The following CRYBG1 variants were observed in gnomAD, a reference collection of about 807,000 sequenced individuals.
CRYBG1 encodes the protein beta/gamma crystallin domain-containing protein 1.
CRYBG1 carries 139 observed loss-of-function variants against 189.2 expected under a neutral mutation model. The ratio of observed to expected loss-of-function variants is 0.73; its 90% CI spans 0.64 to 0.85. The LOEUF (loss-of-function observed/expected upper bound fraction) is 0.85, where lower values mean the gene tolerates loss of function less well. Ranked by LOEUF, CRYBG1 falls within the 40% of genes least tolerant of loss-of-function variation. The pLI is 0.00. For synonymous variants in CRYBG1, 1,023 were observed against 1,017.1 expected, an observed-to-expected ratio of 1.01 and a Z score of -0.11; for missense variants, 2,611 against 2,675.8, an observed-to-expected ratio of 0.98 and a Z score of 0.53.
chr6:106,501,412 G>A (rs1773008110), intron 2 of CRYBG1, among the ~76,000 whole-genome samples: 1 of 152,202 alleles, frequency 6.6e-6, no homozygotes, highest in South Asian at 2.1e-4. Flanking sequence ...GATATGCCAA[G>A]TTCTGCAGAC....
chr6:106,391,339 C>T (rs1770498223), intron 1 of CRYBG1, among the ~76,000 whole-genome samples: 1 of 152,178 alleles, frequency 6.6e-6, no homozygotes, highest in African/African-American at 2.4e-5. Context: ...ACCTAGGCCT[C>T]CCAAAGTGCT....
At chr6:106,441,938 A>G (rs987904802) in intron 1 of CRYBG1, among the ~76,000 whole-genome samples, 1 of 152,250 alleles carries the variant, frequency 6.6e-6, no homozygotes, top group South Asian at 2.1e-4. Flanking sequence ...TTATATTATT[A>G]TCAAAAGGCA....
chr6:106,450,199 A>G (rs1383462402), intron 1 of CRYBG1, among the ~76,000 whole-genome samples: 1 of 148,052 alleles, frequency 6.8e-6, no homozygotes, highest in African/African-American at 2.5e-5. Context: ...GCCTGGTGAC[A>G]GAGTGAGACT....
intron 1 of CRYBG1, among the ~76,000 whole-genome samples, chr6:106,416,383 TC>T (rs1771021088): frequency 1.3e-5 from 2 of 152,168 alleles, no homozygotes; most frequent in African/African-American, 4.8e-5. Context: ...CATTCACTGT[TC>T]CCCCTATCGG....
At chr6:106,568,032 T>C (rs2114606938) in intron 21 of CRYBG1, among the ~76,000 whole-genome samples, 1 of 152,330 alleles carries the variant, frequency 6.6e-6, no homozygotes, top group Admixed American at 6.5e-5. Flanking sequence ...TCCTCCCACC[T>C]TTCCACCACT....
At chr6:106,564,469 G>A (rs1774819444) in intron 21 of CRYBG1, among the ~76,000 whole-genome samples, 1 of 152,152 alleles carries the variant, frequency 6.6e-6, no homozygotes. Context: ...AAGCTAATAG[G>A]GAGTGAACTG....
At chr6:106,367,402 C>T (rs1772023520) in intron 1 of CRYBG1, among the ~76,000 whole-genome samples, 1 of 151,620 alleles carries the variant, frequency 6.6e-6, no homozygotes, top group African/African-American at 2.4e-5. Context: ...TCCTGGTCAA[C>T]ATGGTGAAAC....
chr6:106,403,713 TA>T (rs1770766473), intron 1 of CRYBG1, among the ~76,000 whole-genome samples: 1 of 152,174 alleles, frequency 6.6e-6, no homozygotes, highest in African/African-American at 2.4e-5. Context: ...TTGATATTTG[TA>T]AAAAGTAGTG....
At chr6:106,503,296 C>T (rs750266181) in intron 2 of CRYBG1, among the ~76,000 whole-genome samples, 3 of 152,128 alleles carry the variant, frequency 2.0e-5, no homozygotes, top group Non-Finnish European at 4.4e-5. Flanking sequence ...GGTGAGCCTA[C>T]GGAAAGATCC....
intron 2 of CRYBG1, among the ~76,000 whole-genome samples, chr6:106,510,696 C>A (rs1313071848): frequency 6.6e-6 from 1 of 152,212 alleles, no homozygotes; most frequent in Non-Finnish European, 1.5e-5. Context: ...ACCCCTGCAA[C>A]CTCGCCCGCT....
chr6:106,544,938 G>A lies in CRYBG1; in HGVS notation c.5312+5G>A. 1 of 1,592,126 alleles carries A rather than the reference G, an allele frequency of 6.3e-7. No homozygotes were observed. Among genetic ancestry groups the A allele is most frequent in the Non-Finnish European group, 8.5e-7 (1 of 1,174,038 alleles). ...TATTAATGTACTGAGTGGAGTGTAAGTGAAATAATCCAGTTGGAATTTTAA... is the reference window on the plus strand; with the variant it reads ...TATTAATGTACTGAGTGGAGTGTAAATGAAATAATCCAGTTGGAATTTTAA... On this transcript the variant is annotated splice_donor_5th_base_variant and intron_variant, in intron 13 of 21. Transcript: ENST00000633556.
chr6:106,509,541 A>G (rs1374854419), intron 2 of CRYBG1, among the ~76,000 whole-genome samples: 1 of 152,234 alleles, frequency 6.6e-6, no homozygotes, highest in Admixed American at 6.5e-5. Context: ...CAGCAGCAGC[A>G]GCTGTCTAGT....
chr6:106,499,123 T>G (rs1045546373), intron 2 of CRYBG1, among the ~76,000 whole-genome samples: 1 of 136,620 alleles, frequency 7.3e-6, no homozygotes, highest in Admixed American at 7.9e-5. Context: ...TGTTTGTGTG[T>G]TTTTTGTTTT....
chr6:106,412,774 A>G (rs1029268715), intron 1 of CRYBG1, among the ~76,000 whole-genome samples: 1 of 152,176 alleles, frequency 6.6e-6, no homozygotes, highest in Admixed American at 6.5e-5. Flanking sequence ...TCTGAACCTG[A>G]TGAGGCTCCA....
At chr6:106,439,005 G>T (rs146237849) in intron 1 of CRYBG1, among the ~76,000 whole-genome samples, 243 of 147,252 alleles carry the variant, frequency 1.7e-3, no homozygotes, top group Non-Finnish European at 2.7e-3. Context: ...TTTGAAACCA[G>T]CCTGGGAAAC....
At chr6:106,516,974 C>T (rs1390784995) in intron 3 of CRYBG1, among the ~76,000 whole-genome samples, 2 of 149,498 alleles carry the variant, frequency 1.3e-5, no homozygotes, top group African/African-American at 4.9e-5. Context: ...TTATCTCTCC[C>T]GTTTTATAAA....
intron 1 of CRYBG1, among the ~76,000 whole-genome samples, chr6:106,395,910 GA>G (rs1770597743): frequency 6.6e-6 from 1 of 152,154 alleles, no homozygotes. Context: ...CTAGGCAAAT[GA>G]TAACACTTAG....
intron 1 of CRYBG1, among the ~76,000 whole-genome samples, chr6:106,400,700 C>T (rs954191687): frequency 6.6e-6 from 1 of 152,110 alleles, no homozygotes; most frequent in Non-Finnish European, 1.5e-5. Flanking sequence ...TGATACAATT[C>T]CTGCCTACTT....
Position 106,512,814 on chromosome 6 carries a change from C to A in CRYBG1, c.1697C>A (p.Ala566Asp), listed in dbSNP as rs373973928. ...AAESGEEAAR[A>D]IPRELPVKSS... ...GAGAGCGGGGAGGAGGCGGCGCGGG[C>A]CATCCCCCGCGAGCTCCCGGTCAAG... is the stretch of plus-strand genomic sequence containing the variant. Residue 566 changes from alanine (A) to aspartate (D), a missense_variant, in exon 3 of 22, where the codon GCC becomes GAC. By Grantham distance (126) the Ala-to-Asp change is moderately radical (BLOSUM62 -2). This residue lies in a region of CRYBG1 where 985 missense variants were observed against 924.4 expected (regional missense o/e 1.07). Coordinates refer to ENST00000633556, the MANE Select transcript of CRYBG1 (RefSeq NM_001371242.2). 1.9e-6 allele frequency: 3 copies of A among 1,574,622 alleles called. No individual in the cohort carries two copies. In the Admixed American group the frequency reaches 5.5e-5, roughly 29 times the overall value.
Sources: gnomAD v4.1 joint callset for allele counts (sites outside exome capture counted in the v4.1 genomes callset) on GRCh38, gnomAD v4.1.1 for gene constraint, gnomAD v4.1.1 regional missense constraint, MANE v1.5 for transcripts, NCBI Gene and HGNC (gene_info 2026-07-23, HGNC 2026-07-21) for gene names.